CSMD3: variants seen among roughly 807,000 people sequenced by gnomAD.
CSMD3 encodes CUB and sushi domain-containing protein 3.
A neutral mutation model predicts 435.2 loss-of-function variants in CSMD3; 177 were observed. That is an observed-to-expected ratio of 0.41 (90% CI 0.36 to 0.46). The LOEUF (loss-of-function observed/expected upper bound fraction) is 0.46. Among genes scored for constraint, CSMD3 ranks in the 20% least tolerant of loss-of-function variants. The pLI, the probability that CSMD3 is intolerant of heterozygous loss-of-function variation, is 0.34. For synonymous variants in CSMD3, 1,656 were observed against 1,520.5 expected (o/e 1.09, Z -2.07); for missense variants, 4,265 against 4,504.6 (o/e 0.95, Z 1.52).
rs775909258 is a variant in CSMD3 at position 112,336,785 on chromosome 8, A to G, written c.6886T>C (p.Ser2296Pro). ...GGATATTCATCAGGATACCCAGGAG[A>G]ATAAATGGTGCCATTCATTGCAGTT... ...NITAMNGTIYSPGYPDEYPNF... is the reference protein window; with the variant it reads ...NITAMNGTIYPPGYPDEYPNF... The change falls in exon 44 of 71, where the codon TCT becomes CCT. Residue 2296 changes from serine (S) to proline (P), a missense_variant. Transcript: ENST00000297405. 1 of 1,613,628 alleles carries G rather than the reference A, an allele frequency of 6.2e-7. No homozygotes were observed.
intron 13 of CSMD3, among the ~76,000 whole-genome samples, chr8:112,768,806 C>A (rs1412272075): frequency 2.0e-5 from 3 of 151,910 alleles, no homozygotes; most frequent in Non-Finnish European, 4.4e-5. Flanking sequence ...GGTAACTCCT[C>A]TTTCACCAAC....
intron 13 of CSMD3, among the ~76,000 whole-genome samples, chr8:112,766,570 T>C (rs1587227579): frequency 1.3e-5 from 2 of 151,862 alleles, no homozygotes; most frequent in South Asian, 2.1e-4. Flanking sequence ...ATGAGGGCTA[T>C]GCTGTCAATT....
intron 5 of CSMD3, among the ~76,000 whole-genome samples, chr8:113,031,119 A>G (rs2087090749): frequency 6.6e-6 from 1 of 151,850 alleles, no homozygotes; most frequent in Admixed American, 6.6e-5. Flanking sequence ...CTTGCCATGC[A>G]ATTCTGAAAT....
chr8:112,879,072 A>G (rs898977274), intron 10 of CSMD3, among the ~76,000 whole-genome samples: 4 of 152,214 alleles, frequency 2.6e-5, no homozygotes, highest in South Asian at 2.1e-4. Flanking sequence ...AACAGGGGAG[A>G]TAACGATTAG....
chr8:112,676,142 C>T lies in CSMD3; in HGVS notation c.2677+6300G>A, dbSNP rs143314161. Reference sequence around the variant, plus strand: ...TTTCAGACAGGGTAAGTTTGAGATGCCTATTAAACACTTAAGTGCAGATGT... The same window carrying T: ...TTTCAGACAGGGTAAGTTTGAGATGTCTATTAAACACTTAAGTGCAGATGT... On this transcript the variant is annotated intron_variant, in intron 16 of 70. Coordinates refer to ENST00000297405, the MANE Select transcript of CSMD3 (RefSeq NM_198123.2). Among the ~76,000 whole-genome samples the T allele has an allele frequency of 8.6e-5, 13 of 152,006 alleles. 1 individual carries two copies. In the East Asian group the frequency reaches 2.3e-3, roughly 27 times the overall value.
At chr8:112,485,112 T>C (rs761002454) in intron 31 of CSMD3, among the ~76,000 whole-genome samples, 95 of 152,280 alleles carry the variant, frequency 6.2e-4, no homozygotes, top group Non-Finnish European at 1.3e-3. Context: ...TGTAAGACTG[T>C]CAGAAAAATA....
intron 54 of CSMD3, among the ~76,000 whole-genome samples, chr8:112,294,603 CATA>C (rs1371838729): frequency 2.6e-5 from 4 of 151,900 alleles, no homozygotes; most frequent in African/African-American, 9.7e-5. Flanking sequence ...ATATAGCAGT[CATA>C]ATAAGTGCAC....
At chr8:112,781,362 T>C (rs747146100) in intron 13 of CSMD3, among the ~76,000 whole-genome samples, 8 of 151,930 alleles carry the variant, frequency 5.3e-5, no homozygotes, top group African/African-American at 2.4e-5. Context: ...GAGGAAAAAG[T>C]AAAAAGAACT....
At chr8:112,228,478 A>C (rs923576750) in intron 70 of CSMD3, among the ~76,000 whole-genome samples, 3 of 152,226 alleles carry the variant, frequency 2.0e-5, no homozygotes, top group African/African-American at 7.2e-5. Context: ...ATGTAGAAAT[A>C]ACTTTTACAA....
At chr8:112,809,599 A>G (rs1181601434) in intron 12 of CSMD3, among the ~76,000 whole-genome samples, 4 of 152,132 alleles carry the variant, frequency 2.6e-5, no homozygotes, top group Non-Finnish European at 4.4e-5. Context: ...TTGTTACACT[A>G]CTTTTTCTTT....
In CSMD3 at chr8:112,886,785, G is replaced by A. The variant is rs537328651; in HGVS notation, c.1634-27519C>T. ...ATGTGGTAGTATTTACATACAAATG[G>A]TGCACACTCCCCTGTATACCTTAAA... On this transcript the variant is annotated intron_variant, in intron 10 of 70. Transcript: ENST00000297405. Among the ~76,000 whole-genome samples the A allele has an allele frequency of 4.0e-5, 6 of 151,560 alleles. No homozygotes were observed. The East Asian group carries it at 9.8e-4, about 25-fold the overall frequency.
chr8:112,462,311 C>A (rs1272904164), intron 32 of CSMD3, among the ~76,000 whole-genome samples: 1 of 152,164 alleles, frequency 6.6e-6, no homozygotes, highest in African/African-American at 2.4e-5. Context: ...CTAAAAACAA[C>A]CATAAATGGG....
Position 112,265,479 on chromosome 8 carries a change from A to C in CSMD3, c.9620T>G (p.Leu3207Trp), listed in dbSNP as rs2130412103. The change falls in exon 60 of 71, where the codon TTG becomes TGG. Residue 3207 changes from leucine to tryptophan, a missense_variant. Physicochemically the swap from Leu to Trp is moderately conservative, Grantham distance 61. Around this residue, in one of 3 missense-constraint regions of CSMD3, gnomAD observed 3,255 missense variants for 3,380.2 expected, o/e 0.96. Transcript: ENST00000297405. Reference protein sequence around the residue: ...YMCQPGYTMELNGSRIRTCTI... With the variant: ...YMCQPGYTMEWNGSRIRTCTI... ...ACAAGTCCTGATTCTGGAGCCATTC[A>C]ATTCCATCGTGTAGCCTGGCTGGCA... 1.2e-6 allele frequency: 2 copies of C among 1,613,764 alleles called. No individual in the cohort carries two copies. Among genetic ancestry groups the C allele is most frequent in the Non-Finnish European group, 1.7e-6 (2 of 1,179,724 alleles).
chr8:112,500,707 C>A (rs1821852395), intron 30 of CSMD3, among the ~76,000 whole-genome samples: 1 of 152,130 alleles, frequency 6.6e-6, no homozygotes, highest in African/African-American at 2.4e-5. Context: ...GAGCAGCCTG[C>A]AAAATGGAGC....
At chr8:113,153,890 A>C (rs1469592697) in intron 4 of CSMD3, among the ~76,000 whole-genome samples, 1 of 151,990 alleles carries the variant, frequency 6.6e-6, no homozygotes, top group Non-Finnish European at 1.5e-5. Flanking sequence ...GATGATTTAC[A>C]AGATTTCCGT....
chr8:112,796,208 T>C (rs1374410980), intron 13 of CSMD3, among the ~76,000 whole-genome samples: 1 of 152,118 alleles, frequency 6.6e-6, no homozygotes, highest in Non-Finnish European at 1.5e-5. Context: ...GAAAAAAGAA[T>C]GAAGTCAGTA....
At chr8:112,447,531 A>T in intron 32 of CSMD3, among the ~76,000 whole-genome samples, 1 of 152,174 alleles carries the variant, frequency 6.6e-6, no homozygotes. Context: ...CTCTATGATG[A>T]CAATACAATC....
chr8:112,771,728 ATG>A (rs2078120650), intron 13 of CSMD3, among the ~76,000 whole-genome samples: 1 of 152,114 alleles, frequency 6.6e-6, no homozygotes, highest in Non-Finnish European at 1.5e-5. Flanking sequence ...GGAAACAACA[ATG>A]TGTCTTATCC....
intron 3 of CSMD3, among the ~76,000 whole-genome samples, chr8:113,227,852 A>G (rs1044920182): frequency 6.6e-6 from 1 of 151,678 alleles, no homozygotes; most frequent in South Asian, 2.1e-4. Context: ...TACAATACAC[A>G]GTCTCTCTAG....
Sources: gnomAD v4.1 joint callset for allele counts (sites outside exome capture counted in the v4.1 genomes callset) on GRCh38, gnomAD v4.1.1 for gene constraint, gnomAD v4.1.1 regional missense constraint, MANE v1.5 for transcripts, NCBI Gene and HGNC (gene_info 2026-07-23, HGNC 2026-07-21) for gene names.